The following ZNF250 variants were observed in gnomAD, a reference collection of about 807,000 sequenced individuals.
ZNF250 encodes the protein zinc finger protein (clone 647).
ZNF250 carries 13 observed loss-of-function variants against 37.1 expected under a neutral mutation model. The observed-to-expected ratio is 0.35, with a 90% CI of 0.23 to 0.56. The LOEUF (loss-of-function observed/expected upper bound fraction) is 0.56, where lower values mean the gene tolerates loss of function less well. Among genes scored for constraint, ZNF250 ranks in the 20% least tolerant of loss-of-function variants. ZNF250 has a pLI of 0.87. For synonymous variants in ZNF250, 251 were observed against 265.6 expected (o/e 0.94, Z 0.54); for missense variants, 474 against 697.9 (o/e 0.68, Z 3.61).
rs929249497 is a variant in ZNF250, at chr8:144,878,051, G to T, written c.*3464C>A. 6.6e-6 allele frequency: 1 copy of T among 152,192 alleles called. No individual in the cohort carries two copies. The highest frequency in any genetic ancestry group is 1.5e-5 in the Non-Finnish European group (1 of 68,044). 9.4% of individuals were successfully genotyped at this position (152,192 alleles called of 1,614,324 possible). ...AGGTTGGCAGCTTCCTTTCATAGAA[G>T]ATTTAAGATAGCACCACAGTGTTCT... On this transcript the variant is annotated 3_prime_UTR_variant, in exon 6 of 6. Transcript: ENST00000417550.
chr8:144,887,626 G>A (rs983450653), intron 4 of ZNF250, among the ~76,000 whole-genome samples: 5 of 152,148 alleles, frequency 3.3e-5, no homozygotes, highest in South Asian at 2.1e-4. Flanking sequence ...ATCAAAGGGC[G>A]CTCAAAGGCA....
chr8:144,890,974 C>G lies in ZNF250; in HGVS notation c.-54-571G>C, dbSNP rs1832292656. Among the ~76,000 whole-genome samples the G allele has an allele frequency of 6.6e-6, 1 of 152,144 alleles. No individual in the cohort carries two copies. Among genetic ancestry groups the G allele is most frequent in the Non-Finnish European group, 1.5e-5 (1 of 68,032 alleles). ...AGGCATGGAAGTGGTCAGTTCTGGACAAACTGAGTCAACAGTGGCCTAGGG... is the reference window on the plus strand; with the variant it reads ...AGGCATGGAAGTGGTCAGTTCTGGAGAAACTGAGTCAACAGTGGCCTAGGG... On this transcript the variant is annotated intron_variant, in intron 1 of 5. Transcript: ENST00000417550. This position sits in a 1 kb window ranked among gnomAD's most constrained non-coding sequence, Gnocchi z 5.1.
rs560876383 is a variant in ZNF250, at chr8:144,895,826, A to G, written c.-54-5423T>C. ...AGTTCGAGACCAGCCTGGCCAACAT[A>G]GTGAAACCCCGTCTCTACTAAAAAT... On this transcript the variant is annotated intron_variant, in intron 1 of 5. Transcript: ENST00000417550. Among the ~76,000 whole-genome samples, 133 of 151,734 alleles carry G rather than the reference A, an allele frequency of 8.8e-4. 1 individual carries two copies. Among genetic ancestry groups the G allele is most frequent in the African/African-American group, 3.2e-3 (132 of 41,344 alleles).
chr8:144,886,707 TG>T, intron 5 of ZNF250, 132 bp downstream of exon 5: 1 of 683,068 alleles, frequency 1.5e-6, no homozygotes, highest in Non-Finnish European at 2.4e-6. Context: ...AGCCCCTCCC[TG>T]GTGTTTTGTA....
chr8:144,884,758 T>C (rs541433604), intron 5 of ZNF250, among the ~76,000 whole-genome samples: 1 of 152,284 alleles, frequency 6.6e-6, no homozygotes, highest in South Asian at 2.1e-4. Context: ...TTCAATTTCA[T>C]TGGATAATGC....
chr8:144,886,983 A>T (rs1831929644), intron 4 of ZNF250, 81 bp from the exon 5 acceptor site: 1 of 1,292,108 alleles, frequency 7.7e-7, no homozygotes, highest in Admixed American at 1.7e-5. Flanking sequence ...ATGGTGGCTC[A>T]CGTCTGTAAT....
In ZNF250 at chr8:144,890,885, C is replaced by T. The variant is rs1832285550; in HGVS notation, c.-54-482G>A. ...CAGGGTGACAATAAGACTCCCCTCA[C>T]CCCACCCTTAGGCAGCCCTAGTGCC... is the stretch of plus-strand genomic sequence containing the variant. On this transcript the variant is annotated intron_variant, in intron 1 of 5. Transcript: ENST00000417550. The surrounding 1 kb of genome is among the most constrained non-coding windows in gnomAD (Gnocchi z 5.1). Among the ~76,000 whole-genome samples the T allele has an allele frequency of 6.6e-6, 1 of 152,178 alleles. No individual in the cohort carries two copies. The highest frequency in any genetic ancestry group is 1.5e-5 in the Non-Finnish European group (1 of 68,024).
In ZNF250 at chr8:144,897,802, C is replaced by T. The variant is rs922855493; in HGVS notation, c.-55+3597G>A. On this transcript the variant is annotated intron_variant, in intron 1 of 5. Transcript: ENST00000417550. This position sits in a 1 kb window ranked among gnomAD's most constrained non-coding sequence, Gnocchi z 5.2. ...CCTTATGGGAAACGAAGGGATGGGC[C>T]GAATTAAAGGAATAGGTTGGGCTAG... is the stretch of plus-strand genomic sequence containing the variant. Among the ~76,000 whole-genome samples the T allele has an allele frequency of 1.2e-4, 19 of 152,186 alleles. No homozygotes were observed. The highest frequency in any genetic ancestry group is 3.1e-4 in the African/African-American group (13 of 41,526).
At chr8:144,896,025 A>G (rs1003879349) in intron 1 of ZNF250, among the ~76,000 whole-genome samples, 2 of 151,590 alleles carry the variant, frequency 1.3e-5, no homozygotes, top group African/African-American at 2.4e-5. Context: ...AAAAAAAAAA[A>G]AAAAATCCTA....
chr8:144,893,463 T>C (rs1832494243), intron 1 of ZNF250, among the ~76,000 whole-genome samples: 1 of 152,152 alleles, frequency 6.6e-6, no homozygotes, highest in South Asian at 2.1e-4. Flanking sequence ...CCTGAGTAGC[T>C]GGGACTACAG....
chr8:144,887,257 A>C (rs1831960598), intron 4 of ZNF250, among the ~76,000 whole-genome samples: 3 of 35,242 alleles, frequency 8.5e-5, no homozygotes, highest in African/African-American at 1.8e-4. Flanking sequence ...TCTCTCAAAA[A>C]AAAAAAAAAA....
chr8:144,889,845 C>G (rs748423167), intron 3 of ZNF250, 88 bp downstream of exon 3: 2 of 1,503,178 alleles, frequency 1.3e-6, no homozygotes, highest in Non-Finnish European at 1.8e-6. Context: ...ACCTCCAGGA[C>G]CAGCCTGTCC....
rs1832359924 is a variant in ZNF250 at position 144,891,830 on chromosome 8, C to A, written c.-54-1427G>T. Among the ~76,000 whole-genome samples the A allele has an allele frequency of 6.6e-6, 1 of 152,020 alleles. No individual in the cohort carries two copies. On this transcript the variant is annotated intron_variant, in intron 1 of 5. Transcript: ENST00000417550. The surrounding 1 kb of genome is among the most constrained non-coding windows in gnomAD (Gnocchi z 4.0). ...TCATGCCATTGCACTCCAGCCTGGG[C>A]AACCAAGAGCAAAACTCCATCTCAA...
rs1056464891 is a variant in ZNF250 at position 144,897,943 on chromosome 8, A to G, written c.-55+3456T>C. On this transcript the variant is annotated intron_variant, in intron 1 of 5. Coordinates refer to ENST00000417550, the MANE Select transcript of ZNF250 (RefSeq NM_001109689.4). The surrounding 1 kb of genome is among the most constrained non-coding windows in gnomAD (Gnocchi z 5.2). ...GGCCGGCCAGGTGTTCCTTGCCCTC[A>G]TTCCGGTAAACCCACAACCACAACC... is the stretch of plus-strand genomic sequence containing the variant. Among the ~76,000 whole-genome samples, 3 of 152,214 alleles carry G rather than the reference A, an allele frequency of 2.0e-5. No homozygotes were observed. The highest frequency in any genetic ancestry group is 7.2e-5 in the African/African-American group (3 of 41,452).
chr8:144,882,327 C>T lies in ZNF250; in HGVS notation c.856G>A (p.Ala286Thr), dbSNP rs146744263. ...KPHECLECRK[A>T]FTQLSHLIQH... ...ATGAGATGTGAGAGTTGAGTGAAGG[C>T]TTTCCGACACTCAAGACATTCGTGA... is the stretch of plus-strand genomic sequence containing the variant. Residue 286 changes from alanine to threonine, a missense_variant, in exon 6 of 6, where the codon GCC (alanine) becomes ACC (threonine). Physicochemically the swap from Ala to Thr is moderately conservative, Grantham distance 58 (BLOSUM62 0). This residue lies in a region of ZNF250 where 282 missense variants were observed against 470.4 expected (regional missense o/e 0.60). Transcript: ENST00000417550. The surrounding 1 kb of genome is among the most constrained non-coding windows in gnomAD (Gnocchi z 5.5). 45 of 1,613,660 alleles carry T rather than the reference C, an allele frequency of 2.8e-5. No homozygotes were observed. The African/African-American group carries it at 5.2e-4, about 19-fold the overall frequency.
intron 4 of ZNF250, 44 bp downstream of exon 4, chr8:144,889,537 C>G (rs1276975478): frequency 6.6e-7 from 1 of 1,508,252 alleles, no homozygotes; most frequent in African/African-American, 1.4e-5. Flanking sequence ...TGCTCAGGAC[C>G]TGTTTAGCCC....
chr8:144,884,333 C>T (rs566377701), intron 5 of ZNF250, among the ~76,000 whole-genome samples: 1 of 152,212 alleles, frequency 6.6e-6, no homozygotes, highest in East Asian at 1.9e-4. Flanking sequence ...CTCACTGCAA[C>T]CTCTGCCTCC....
chr8:144,902,040 T>G (rs142438400), upstream of ZNF250: 1 of 152,436 alleles, frequency 6.6e-6, no homozygotes, highest in African/African-American at 2.4e-5. Context: ...TGCGTGAGGT[T>G]ATTCCTCCCA....
intron 4 of ZNF250, among the ~76,000 whole-genome samples, chr8:144,887,481 C>T (rs890742445): frequency 1.3e-5 from 2 of 152,008 alleles, no homozygotes; most frequent in Admixed American, 1.3e-4. Flanking sequence ...CTATGCACAT[C>T]AGTAATCTAA....
Sources: gnomAD v4.1 joint callset for allele counts (sites outside exome capture counted in the v4.1 genomes callset) on GRCh38, gnomAD v4.1.1 for gene constraint, gnomAD v4.1.1 regional missense constraint, Gnocchi (gnomAD v3.1) non-coding constraint, MANE v1.5 for transcripts, NCBI Gene and HGNC (gene_info 2026-07-23, HGNC 2026-07-21) for gene names.